Variants in KANSL1L observed in about 807,000 individuals in gnomAD.
KANSL1L encodes KAT8 regulatory NSL complex subunit 1 like.
A neutral mutation model predicts 108.6 loss-of-function variants in KANSL1L; 25 were observed. The observed-to-expected ratio is 0.23, with a 90% CI of 0.17 to 0.32. The LOEUF (loss-of-function observed/expected upper bound fraction) is 0.32, where lower values mean the gene tolerates loss of function less well. Among genes scored for constraint, KANSL1L ranks in the 10% least tolerant of loss-of-function variants. The probability of loss-of-function intolerance (pLI) is 1.00; values close to 1 mark genes in which losing one functional copy is unlikely to be tolerated. For missense variants in KANSL1L, 1,137 were observed against 1,125.7 expected (o/e 1.01, Z -0.14); for synonymous variants, 405 against 395.1 (o/e 1.03, Z -0.30).
intron 4 of KANSL1L, among the ~76,000 whole-genome samples, chr2:210,099,342 T>C (rs531499856): frequency 1.3e-5 from 2 of 152,310 alleles, no homozygotes; most frequent in East Asian, 3.9e-4. Context: ...ATGAAATAAT[T>C]ATTTTAGAAT....
intron 7 of KANSL1L, among the ~76,000 whole-genome samples, chr2:210,042,125 T>C (rs2094171117): frequency 6.6e-6 from 1 of 152,196 alleles, no homozygotes; most frequent in Admixed American, 6.5e-5. Flanking sequence ...AAACATGATC[T>C]AACAAGAAAA....
At chr2:210,101,480 A>G (rs1452442750) in intron 4 of KANSL1L, among the ~76,000 whole-genome samples, 1 of 152,216 alleles carries the variant, frequency 6.6e-6, no homozygotes, top group African/African-American at 2.4e-5. Flanking sequence ...CCAATGAATA[A>G]GTAGTGACCT....
chr2:210,165,926 T>C (rs925713608), intron 1 of KANSL1L, among the ~76,000 whole-genome samples: 1 of 152,182 alleles, frequency 6.6e-6, no homozygotes, highest in Non-Finnish European at 1.5e-5. Flanking sequence ...ACATAACTTT[T>C]ATGTATAGTT....
chr2:210,114,442 C>T (rs1240369875), intron 3 of KANSL1L, among the ~76,000 whole-genome samples: 2 of 152,042 alleles, frequency 1.3e-5, no homozygotes, highest in Non-Finnish European at 2.9e-5. Flanking sequence ...ACCAGTAGAC[C>T]TACTCTGCAG....
At chr2:210,033,814 AGGC>A (rs2094060745) in intron 8 of KANSL1L, among the ~76,000 whole-genome samples, 1 of 151,866 alleles carries the variant, frequency 6.6e-6, no homozygotes, top group Non-Finnish European at 1.5e-5. Context: ...CTGGGATTAC[AGGC>A]GTGAGCCACC....
chr2:210,136,908 C>A (rs904707159), intron 2 of KANSL1L, among the ~76,000 whole-genome samples: 3 of 152,108 alleles, frequency 2.0e-5, no homozygotes, highest in African/African-American at 7.2e-5. Context: ...TCATGTTCTG[C>A]AAAATAAAAA....
intron 2 of KANSL1L, among the ~76,000 whole-genome samples, chr2:210,145,386 C>G (rs907390442): frequency 2.0e-5 from 3 of 152,130 alleles, no homozygotes; most frequent in Non-Finnish European, 4.4e-5. Flanking sequence ...GAGGTGGCAC[C>G]CATATTCAGA....
chr2:210,162,882 G>T (rs1042617100), intron 1 of KANSL1L, among the ~76,000 whole-genome samples: 9 of 152,096 alleles, frequency 5.9e-5, no homozygotes, highest in African/African-American at 2.2e-4. Context: ...GCTTTTAAAA[G>T]GTTACATATT....
At chr2:210,125,451 T>G (rs2095057899) in intron 3 of KANSL1L, among the ~76,000 whole-genome samples, 1 of 152,182 alleles carries the variant, frequency 6.6e-6, no homozygotes, top group South Asian at 2.1e-4. Flanking sequence ...GAAGGAACAC[T>G]TCTTAATTCA....
chr2:210,056,012 C>T (rs2094346176), intron 6 of KANSL1L, among the ~76,000 whole-genome samples: 1 of 152,218 alleles, frequency 6.6e-6, no homozygotes, highest in Non-Finnish European at 1.5e-5. Flanking sequence ...GGCCTGGAGA[C>T]TTAGGAGGAA....
At chr2:210,067,900 T>TG (rs1156856759) in intron 6 of KANSL1L, among the ~76,000 whole-genome samples, 1 of 152,044 alleles carries the variant, frequency 6.6e-6, no homozygotes, top group Non-Finnish European at 1.5e-5. Context: ...TATTTAGAGA[T>TG]GGAGTCTTGC....
intron 2 of KANSL1L, among the ~76,000 whole-genome samples, chr2:210,141,440 A>G (rs1259883451): frequency 6.6e-6 from 1 of 152,128 alleles, no homozygotes; most frequent in Non-Finnish European, 1.5e-5. Flanking sequence ...ATACTCTTAT[A>G]AAAGAGGCCT....
chr2:210,153,525 T>G lies in KANSL1L; in HGVS notation c.1058A>C (p.Asp353Ala), dbSNP rs2095316261. 6.2e-7 allele frequency: 1 copy of G among 1,614,140 alleles called. No individual in the cohort carries two copies. Residue 353 changes from aspartate to alanine, a missense_variant, in exon 2 of 15, where the codon GAT becomes GCT. Around this residue, in one of 3 missense-constraint regions of KANSL1L, gnomAD observed 556 missense variants for 537.7 expected, o/e 1.03. Coordinates refer to ENST00000281772, the MANE Select transcript of KANSL1L (RefSeq NM_152519.4). ...ATDSSSDDDL[D>A]EYTLRKNVAV... ...CACATTTTTTCTAAGGGTATATTCA[T>G]CCAAATCGTCATCAGAGCTGCTATC...
chr2:210,167,797 C>A (rs1688073072), intron 1 of KANSL1L, among the ~76,000 whole-genome samples: 1 of 151,910 alleles, frequency 6.6e-6, no homozygotes, highest in Non-Finnish European at 1.5e-5. Context: ...CTAAAAATAA[C>A]ATCAAGTATT....
chr2:210,044,154 G>A lies in KANSL1L; in HGVS notation c.1756-50C>T. ...TATCACAGCCAAAGCATCCATAAAT[G>A]GCATATCTCTACATTTATTTAGGTT... is the stretch of plus-strand genomic sequence containing the variant. On this transcript the variant is annotated intron_variant, in intron 6 of 14. Coordinates refer to ENST00000281772, the MANE Select transcript of KANSL1L (RefSeq NM_152519.4). The surrounding 1 kb of genome is among the most constrained non-coding windows in gnomAD (Gnocchi z 4.2). 2 of 1,259,046 alleles carry A rather than the reference G, an allele frequency of 1.6e-6. No homozygotes were observed. Among genetic ancestry groups the A allele is most frequent in the South Asian group, 2.0e-5 (1 of 50,416 alleles). 78.0% of individuals were successfully genotyped at this position (1,259,046 alleles called of 1,614,324 possible).
At chr2:210,086,833 T>A (rs889270921) in intron 5 of KANSL1L, among the ~76,000 whole-genome samples, 1 of 151,986 alleles carries the variant, frequency 6.6e-6, no homozygotes, top group African/African-American at 2.4e-5. Flanking sequence ...AATTATGATA[T>A]AATGTGATAT....
At chr2:210,133,589 G>C (rs116249399) in intron 2 of KANSL1L, among the ~76,000 whole-genome samples, 1,534 of 151,650 alleles carry the variant, frequency 0.01, 18 homozygotes, top group African/African-American at 0.035. Flanking sequence ...CCTTCTATTT[G>C]CTTTGGGTTT....
chr2:210,169,407 G>A lies in KANSL1L; in HGVS notation c.-30+1742C>T, dbSNP rs181898429. Among the ~76,000 whole-genome samples the A allele has an allele frequency of 4.1e-4, 63 of 152,246 alleles. 1 individual carries two copies. Among genetic ancestry groups the A allele is most frequent in the African/African-American group, 1.5e-3 (61 of 41,554 alleles). On this transcript the variant is annotated intron_variant, in intron 1 of 14. Transcript: ENST00000281772. ...TGATATGCGAATGTCTGAGTTAAAT[G>A]AAAATACCATGTGGTCTCAGTTTTA... is the stretch of plus-strand genomic sequence containing the variant.
chr2:210,131,798 C>A (rs1045610298), intron 2 of KANSL1L, among the ~76,000 whole-genome samples: 5 of 151,546 alleles, frequency 3.3e-5, no homozygotes, highest in Non-Finnish European at 2.9e-5. Context: ...CTCCCAGGTT[C>A]AACGGATTCT....
Sources: allele counts gnomAD v4.1 joint callset (sites outside exome capture counted in the v4.1 genomes callset), GRCh38; gene constraint gnomAD v4.1.1; regional missense constraint gnomAD v4.1.1; non-coding constraint Gnocchi (gnomAD v3.1); transcripts MANE v1.5; gene names NCBI Gene and HGNC (gene_info 2026-07-23, HGNC 2026-07-21).